The following KCNIP4 variants were observed in gnomAD, a reference collection of about 807,000 sequenced individuals.
KCNIP4 encodes Kv channel-interacting protein 4.
Under a neutral mutation model 34.0 loss-of-function variants are expected in KCNIP4, and 12 were observed. The ratio of observed to expected loss-of-function variants is 0.35; its 90% CI spans 0.23 to 0.57. KCNIP4 has a LOEUF of 0.57. Among genes scored for constraint, KCNIP4 ranks in the 20% least tolerant of loss-of-function variants. The pLI is 0.83. For missense variants in KCNIP4, 238 were observed against 311.7 expected (o/e 0.76, Z 1.78); for synonymous variants, 124 against 102.2 (o/e 1.21, Z -1.29).
intron 1 of KCNIP4, among the ~76,000 whole-genome samples, chr4:21,480,613 A>G (rs1263751819): frequency 1.3e-5 from 2 of 152,192 alleles, no homozygotes; most frequent in Non-Finnish European, 2.9e-5. Flanking sequence ...AATCATTGAG[A>G]ATCTATAACT....
chr4:21,731,945 A>G (rs1219380456), intron 1 of KCNIP4, among the ~76,000 whole-genome samples: 2 of 152,014 alleles, frequency 1.3e-5, no homozygotes, highest in Admixed American at 6.6e-5. Flanking sequence ...CAGAATTACC[A>G]GTTGACTAGT....
intron 1 of KCNIP4, among the ~76,000 whole-genome samples, chr4:21,178,660 T>A (rs1425326): frequency 0.17 from 25,913 of 151,792 alleles, 2,930 homozygotes; most frequent in Non-Finnish European, 0.24. Context: ...ACTTCTCCCT[T>A]CCAAAACTGC....
At chr4:21,938,058 A>C (rs1180604959) in intron 1 of KCNIP4, among the ~76,000 whole-genome samples, 1 of 152,002 alleles carries the variant, frequency 6.6e-6, no homozygotes, top group Non-Finnish European at 1.5e-5. Context: ...CAAAATTCTT[A>C]CTGTTCCCTG....
intron 1 of KCNIP4, among the ~76,000 whole-genome samples, chr4:21,518,866 C>G (rs998455115): frequency 8.6e-5 from 13 of 151,982 alleles, no homozygotes; most frequent in African/African-American, 3.1e-4. Context: ...GAGTTTGAGC[C>G]CTACTCAAAA....
At position 21,371,125 on chromosome 4, in the gene KCNIP4, T is replaced by A. The variant is rs531248781; in HGVS notation, c.62-488416A>T. On this transcript the variant is annotated intron_variant, in intron 1 of 8. Transcript: ENST00000382152. The stretch of plus-strand genomic sequence containing the variant: ...AAATTAGAGGTGTATAGGAACCAAA[T>A]CTTGAAGGCTCTTCCATTACAGGCA... Among the ~76,000 whole-genome samples, 29 of 143,410 alleles carry A rather than the reference T, an allele frequency of 2.0e-4. 6 individuals are homozygous for A. Among genetic ancestry groups the A allele is most frequent in the African/African-American group, 8.2e-4 (28 of 34,104 alleles). The allele number at this position is 143,410 out of a possible 152,430, so 94.1% of individuals were successfully genotyped here. A position where few individuals can be genotyped will look rare whatever the true frequency, so the allele number is the denominator to read the frequency against.
At chr4:21,914,287 T>G (rs1033472774) in intron 1 of KCNIP4, among the ~76,000 whole-genome samples, 2 of 152,114 alleles carry the variant, frequency 1.3e-5, no homozygotes, top group African/African-American at 4.8e-5. Flanking sequence ...ATATCAAGTA[T>G]GTAGAATGGA....
At chr4:21,115,875 A>C (rs1446159914) in intron 1 of KCNIP4, among the ~76,000 whole-genome samples, 1 of 152,236 alleles carries the variant, frequency 6.6e-6, no homozygotes, top group Non-Finnish European at 1.5e-5. Context: ...TTGTCCAATA[A>C]TAATCCTTAA....
intron 1 of KCNIP4, among the ~76,000 whole-genome samples, chr4:20,895,807 A>T (rs886532649): frequency 2.6e-5 from 4 of 152,210 alleles, no homozygotes; most frequent in African/African-American, 9.6e-5. Context: ...GCTTTAAAAA[A>T]TTAGCCATGC....
chr4:21,155,426 A>G (rs535557258), intron 1 of KCNIP4, among the ~76,000 whole-genome samples: 1 of 152,220 alleles, frequency 6.6e-6, no homozygotes, highest in African/African-American at 2.4e-5. Context: ...TTACAAGAGA[A>G]GGTTGAAGTG....
At chr4:21,504,508 G>GAAAGAAAGAAAGAAAGAAAGAAAGA (rs1392434479) in intron 1 of KCNIP4, among the ~76,000 whole-genome samples, 72 of 121,696 alleles carry the variant, frequency 5.9e-4, no homozygotes, top group African/African-American at 2.0e-3. Context: ...AGAAAGAAAG[G>GAAAGAAAGAAAGAAAGAAAGAAAGA]AAGGAAGGAA....
chr4:21,616,795 C>T (rs1211541458), intron 1 of KCNIP4, among the ~76,000 whole-genome samples: 2 of 152,134 alleles, frequency 1.3e-5, no homozygotes, highest in Admixed American at 6.5e-5. Context: ...GAATTAACAG[C>T]CCATCCTACT....
intron 1 of KCNIP4, among the ~76,000 whole-genome samples, chr4:21,463,053 T>C (rs756328433): frequency 6.6e-6 from 1 of 152,004 alleles, no homozygotes; most frequent in Non-Finnish European, 1.5e-5. Context: ...TGCTGGATCA[T>C]AAGGTAGTCC....
intron 1 of KCNIP4, among the ~76,000 whole-genome samples, chr4:21,774,387 C>A (rs1291148387): frequency 6.6e-6 from 1 of 152,102 alleles, no homozygotes; most frequent in African/African-American, 2.4e-5. Context: ...TTCATTTCAA[C>A]CTAGAAGAAT....
intron 1 of KCNIP4, among the ~76,000 whole-genome samples, chr4:21,066,734 T>A (rs2108986561): frequency 6.6e-6 from 1 of 152,288 alleles, no homozygotes; most frequent in Admixed American, 6.5e-5. Flanking sequence ...GTCCCAGTTG[T>A]CAGAACATGA....
At chr4:21,146,271 G>A (rs1255672808) in intron 1 of KCNIP4, among the ~76,000 whole-genome samples, 1 of 152,034 alleles carries the variant, frequency 6.6e-6, no homozygotes, top group Non-Finnish European at 1.5e-5. Flanking sequence ...GGTGGCGGGC[G>A]CCTATAGTCC....
At chr4:21,255,793 T>C (rs1211551915) in intron 1 of KCNIP4, among the ~76,000 whole-genome samples, 1 of 152,230 alleles carries the variant, frequency 6.6e-6, no homozygotes, top group Non-Finnish European at 1.5e-5. Context: ...AAAGATGACA[T>C]TGACGCGGTC....
intron 1 of KCNIP4, among the ~76,000 whole-genome samples, chr4:21,756,607 C>T (rs924735525): frequency 6.6e-6 from 1 of 151,710 alleles, no homozygotes; most frequent in Non-Finnish European, 1.5e-5. Context: ...TGCAGCCTCT[C>T]TCTTTCTCAG....
intron 1 of KCNIP4, among the ~76,000 whole-genome samples, chr4:21,731,300 A>G (rs1715581005): frequency 6.6e-6 from 1 of 152,132 alleles, no homozygotes; most frequent in Non-Finnish European, 1.5e-5. Flanking sequence ...ACACACAAAG[A>G]GAGAGAGTGA....
At chr4:21,195,193 A>G (rs1755968335) in intron 1 of KCNIP4, among the ~76,000 whole-genome samples, 1 of 152,170 alleles carries the variant, frequency 6.6e-6, no homozygotes, top group African/African-American at 2.4e-5. Context: ...TCACTTCAGG[A>G]GCTGTGGGCA....
Sources: allele counts gnomAD v4.1 joint callset (sites outside exome capture counted in the v4.1 genomes callset), GRCh38; gene constraint gnomAD v4.1.1; transcripts MANE v1.5; gene names NCBI Gene and HGNC (gene_info 2026-07-23, HGNC 2026-07-21).